PLCB1: variants seen among roughly 807,000 people sequenced by gnomAD.
The protein encoded by PLCB1 is phospholipase C beta 1.
A neutral mutation model predicts 161.8 loss-of-function variants in PLCB1; 46 were observed. The observed-to-expected ratio is 0.28, with a 90% CI of 0.22 to 0.36. The LOEUF is 0.36. Ranked by LOEUF, PLCB1 falls within the 10% of genes least tolerant of loss-of-function variation. The probability of loss-of-function intolerance (pLI) is 1.00; values close to 1 mark genes in which losing one functional copy is unlikely to be tolerated. For missense variants in PLCB1, 1,016 were observed against 1,472.5 expected (o/e 0.69, Z 5.07); for synonymous variants, 517 against 503.7 (o/e 1.03, Z -0.35).
At chr20:8,804,570 A>G (rs1984435174) in intron 31 of PLCB1, among the ~76,000 whole-genome samples, 1 of 152,224 alleles carries the variant, frequency 6.6e-6, no homozygotes, top group Non-Finnish European at 1.5e-5. Flanking sequence ...CTTTTATAAT[A>G]GTGTATGGAA....
At chr20:8,191,593 T>A (rs1388346444) in intron 2 of PLCB1, among the ~76,000 whole-genome samples, 1 of 152,046 alleles carries the variant, frequency 6.6e-6, no homozygotes, top group African/African-American at 2.4e-5. Flanking sequence ...ATGATTTTAA[T>A]ATGTTATATA....
chr20:8,203,573 G>A (rs1426056069), intron 2 of PLCB1, among the ~76,000 whole-genome samples: 1 of 151,990 alleles, frequency 6.6e-6, no homozygotes, highest in African/African-American at 2.4e-5. Flanking sequence ...TGGGGTGGGG[G>A]ATGATTGAAG....
chr20:8,677,774 G>A (rs1990121935), intron 9 of PLCB1, among the ~76,000 whole-genome samples: 1 of 152,096 alleles, frequency 6.6e-6, no homozygotes, highest in African/African-American at 2.4e-5. Flanking sequence ...ACTGTGTCCA[G>A]CAAAACTAGC....
intron 2 of PLCB1, among the ~76,000 whole-genome samples, chr20:8,206,007 C>G (rs1428427007): frequency 6.6e-6 from 1 of 151,154 alleles, no homozygotes; most frequent in Non-Finnish European, 1.5e-5. Context: ...CCAATAAAAA[C>G]TTTGTTATGT....
intron 3 of PLCB1, among the ~76,000 whole-genome samples, chr20:8,523,496 C>CTCTCTCTCTCTCTCTCTCTCTCTATA: frequency 1.5e-4 from 8 of 51,648 alleles, no homozygotes; most frequent in Admixed American, 4.8e-4. Context: ...CTCTCTCTCT[C>CTCTCTCTCTCTCTCTCTCTCTCTATA]TATATATATA....
At chr20:8,697,195 G>C (rs1335558589) in intron 10 of PLCB1, among the ~76,000 whole-genome samples, 1 of 152,206 alleles carries the variant, frequency 6.6e-6, no homozygotes, top group Non-Finnish European at 1.5e-5. Flanking sequence ...AAAAGAGTGA[G>C]TTTTGATGCT....
chr20:8,490,143 A>G (rs1220737508), intron 3 of PLCB1, among the ~76,000 whole-genome samples: 4 of 152,142 alleles, frequency 2.6e-5, no homozygotes, highest in African/African-American at 9.7e-5. Flanking sequence ...CTCTCTTCAA[A>G]AGATTATCCT....
intron 9 of PLCB1, among the ~76,000 whole-genome samples, chr20:8,673,075 G>A (rs1989989772): frequency 6.6e-6 from 1 of 151,936 alleles, no homozygotes; most frequent in Admixed American, 6.6e-5. Context: ...TCGTGCCACT[G>A]CACTCCAGCC....
At chr20:8,208,886 A>G (rs1978670624) in intron 2 of PLCB1, among the ~76,000 whole-genome samples, 1 of 152,194 alleles carries the variant, frequency 6.6e-6, no homozygotes, top group South Asian at 2.1e-4. Flanking sequence ...CTGATCAATT[A>G]GTTAAGTAAA....
At chr20:8,160,005 A>AG (rs1249707552) in intron 2 of PLCB1, among the ~76,000 whole-genome samples, 1 of 151,160 alleles carries the variant, frequency 6.6e-6, no homozygotes, top group Non-Finnish European at 1.5e-5. Context: ...AAAAAAAAAA[A>AG]AAAGAAAAAA....
chr20:8,523,496 C>CTCTCTATATATATATATATATATATA, intron 3 of PLCB1, among the ~76,000 whole-genome samples: 1 of 51,654 alleles, frequency 1.9e-5, no homozygotes, highest in African/African-American at 8.2e-5. Context: ...CTCTCTCTCT[C>CTCTCTATATATATATATATATATATA]TATATATATA....
rs1989536075 is a variant in PLCB1 at position 8,658,697 on chromosome 20, C to T, written c.855C>T (p.Ala285=). 1 of 1,601,890 alleles carries T rather than the reference C, an allele frequency of 6.2e-7. No individual in the cohort carries two copies. Among genetic ancestry groups the T allele is most frequent in the East Asian group, 2.2e-5 (1 of 44,584 alleles). Residue 285 remains alanine, a synonymous_variant, in exon 9 of 32, where the codon GCC becomes GCT. Transcript: ENST00000338037. ...IEKYEPNNSL[A]RKGQISVDGF... ...AGTATGAACCCAACAACAGCCTCGC[C>T]AGAAAAGGTCAGTACTTTCTTTCAC...
At chr20:8,611,763 C>T (rs903667088) in intron 3 of PLCB1, among the ~76,000 whole-genome samples, 33 of 152,132 alleles carry the variant, frequency 2.2e-4, no homozygotes, top group African/African-American at 8.0e-4. Flanking sequence ...TCCCTTGGCA[C>T]TGTTTCTATA....
intron 3 of PLCB1, among the ~76,000 whole-genome samples, chr20:8,498,194 A>T (rs1187604019): frequency 1.3e-5 from 2 of 152,084 alleles, no homozygotes; most frequent in Non-Finnish European, 1.5e-5. Flanking sequence ...GCCTCCCAGG[A>T]TAAAGTGATT....
At chr20:8,332,808 G>T (rs1302251387) in intron 2 of PLCB1, among the ~76,000 whole-genome samples, 2 of 152,142 alleles carry the variant, frequency 1.3e-5, no homozygotes, top group Non-Finnish European at 2.9e-5. Context: ...CAAGTCAGAA[G>T]AACTATTTGT....
chr20:8,776,975 T>A (rs1982974433), intron 27 of PLCB1, among the ~76,000 whole-genome samples: 1 of 151,808 alleles, frequency 6.6e-6, no homozygotes. Flanking sequence ...AACATCTGAG[T>A]TAAGAGGTGA....
In PLCB1 at chr20:8,132,552, G is replaced by C. The variant is rs1425587101; in HGVS notation, c.-100G>C. On this transcript the variant is annotated 5_prime_UTR_variant, in exon 1 of 32. Transcript: ENST00000338037. This position sits in a 1 kb window ranked among gnomAD's most constrained non-coding sequence, Gnocchi z 5.2. ...CGGGGAGCAGAGTCGAGCGCCTCCGGAGCAGAGAAAGGAGCCCGCGCCCCG... is the reference window on the plus strand; with the variant it reads ...CGGGGAGCAGAGTCGAGCGCCTCCGCAGCAGAGAAAGGAGCCCGCGCCCCG... The C allele has an allele frequency of 4.4e-6, 3 of 679,884 alleles. No individual in the cohort carries two copies. Among genetic ancestry groups the C allele is most frequent in the Non-Finnish European group, 6.8e-6 (3 of 442,358 alleles). 42.1% of individuals were successfully genotyped at this position (679,884 alleles called of 1,614,324 possible). A position where few individuals can be genotyped will look rare whatever the true frequency, so the allele number is the denominator to read the frequency against.
chr20:8,861,687 G>A (rs1011194516), intron 31 of PLCB1, among the ~76,000 whole-genome samples: 1 of 139,970 alleles, frequency 7.1e-6, no homozygotes, highest in Admixed American at 7.5e-5. Context: ...GTGAGATCGT[G>A]CCACTGCACT....
intron 3 of PLCB1, among the ~76,000 whole-genome samples, chr20:8,390,594 T>G (rs1357620380): frequency 6.6e-6 from 1 of 152,178 alleles, no homozygotes. Flanking sequence ...AAAGTAGATT[T>G]TTTTCTTTAT....
Sources: allele counts gnomAD v4.1 joint callset (sites outside exome capture counted in the v4.1 genomes callset), GRCh38; gene constraint gnomAD v4.1.1; non-coding constraint Gnocchi (gnomAD v3.1); transcripts MANE v1.5; gene names NCBI Gene and HGNC (gene_info 2026-07-23, HGNC 2026-07-21).